Variants in TSPAN4 observed in about 807,000 individuals in gnomAD.
TSPAN4 encodes the protein tetraspanin-4.
A neutral mutation model predicts 31.5 loss-of-function variants in TSPAN4; 38 were observed. The observed-to-expected ratio is 1.21, with a 90% confidence interval of 0.93 to 1.58. The LOEUF (loss-of-function observed/expected upper bound fraction) is 1.58, where lower values mean the gene tolerates loss of function less well. Among genes scored for constraint, TSPAN4 ranks in the 40% most tolerant of loss-of-function variants. The pLI is 0.00. For missense variants in TSPAN4, 330 were observed against 317.3 expected (o/e 1.04, Z -0.30); for synonymous variants, 186 against 144.6 (o/e 1.29, Z -2.06).
chr11:853,497 C>T lies in TSPAN4; in HGVS notation c.63+3130C>T, dbSNP rs371739035. Among the ~76,000 whole-genome samples, 392 of 151,292 alleles carry T rather than the reference C, an allele frequency of 2.6e-3. 2 individuals are homozygous for T. Among genetic ancestry groups the T allele is most frequent in the African/African-American group, 9.1e-3 (376 of 41,352 alleles). On this transcript the variant is annotated intron_variant, in intron 3 of 8. Transcript: ENST00000397397. ...GGCTGATTGACGTATTTCTTTACAG[C>T]GTTGGTTCGGATTTCCCAGGCAGGC...
chr11:855,267 A>G (rs1847982660), intron 3 of TSPAN4, among the ~76,000 whole-genome samples: 1 of 152,150 alleles, frequency 6.6e-6, no homozygotes, highest in Non-Finnish European at 1.5e-5. Context: ...CAGGCAGAGA[A>G]GTCAGGAGGC....
At chr11:851,110 C>G (rs1048829348) in intron 3 of TSPAN4, among the ~76,000 whole-genome samples, 1 of 152,204 alleles carries the variant, frequency 6.6e-6, no homozygotes, top group Admixed American at 6.5e-5. Flanking sequence ...GGTTCCACCC[C>G]ACCCCAGCCC....
chr11:849,687 G>T lies in TSPAN4; in HGVS notation c.-17-601G>T, dbSNP rs367916082. ...GGGCCGGGGTCGCGGCTGGTGCGTT[G>T]CCGGGGGCTGCGATTGGTCCGCCCA... On this transcript the variant is annotated intron_variant, in intron 2 of 8. Transcript: ENST00000397397. The T allele has an allele frequency of 1.7e-4, 26 of 151,432 alleles. No homozygotes were observed. In the East Asian group the frequency reaches 3.9e-3, roughly 23 times the overall value. 9.4% of individuals were successfully genotyped at this position (151,432 alleles called of 1,614,324 possible).
chr11:850,119 C>G lies in TSPAN4; in HGVS notation c.-17-169C>G, dbSNP rs570240647. 9 of 491,436 alleles carry G rather than the reference C, an allele frequency of 1.8e-5. No individual in the cohort carries two copies. In the South Asian group the frequency reaches 2.7e-4, roughly 15 times the overall value. 30.4% of individuals were successfully genotyped at this position (491,436 alleles called of 1,614,324 possible). A position where few individuals can be genotyped will look rare whatever the true frequency, so the allele number is the denominator to read the frequency against. On this transcript the variant is annotated intron_variant, in intron 2 of 8. Coordinates refer to ENST00000397397, the MANE Select transcript of TSPAN4 (RefSeq NM_003271.5). ...GGACTTCGCGCGCGGCGGCCCCTTC[C>G]GGCGCTACAGCAGCCTATACGGGCG...
chr11:852,119 A>G (rs117368292), intron 3 of TSPAN4, among the ~76,000 whole-genome samples: 1,893 of 152,090 alleles, frequency 0.012, 22 homozygotes, highest in Admixed American at 0.032. Context: ...GGAAAATGCA[A>G]TTCTCTCTTT....
chr11:864,246 C>T (rs1316478286), intron 4 of TSPAN4, 191 bp from the exon 5 acceptor site: 13 of 665,178 alleles, frequency 2.0e-5, no homozygotes, highest in Middle Eastern at 4.1e-4. Context: ...ACAACAGCCA[C>T]AGTCCCTGGA....
At position 865,740 on chromosome 11, in the gene TSPAN4, A is replaced by AC; in HGVS notation, c.480dup (p.Asn161GlnfsTer7). On this transcript the variant is annotated frameshift_variant, in exon 7 of 9. Coordinates refer to ENST00000397397, the MANE Select transcript of TSPAN4 (RefSeq NM_003271.5). LOFTEE classifies it high-confidence loss of function. ...AACTACACTGACTGGTTCGAGGTGT[A>AC]CAACGCCACGCGGGTACCTGACTCC... is the stretch of plus-strand genomic sequence containing the variant. The AC allele has an allele frequency of 6.2e-7, 1 of 1,613,290 alleles. No homozygotes were observed. Among genetic ancestry groups the AC allele is most frequent in the Non-Finnish European group, 8.5e-7 (1 of 1,179,860 alleles).
chr11:866,231 C>T (rs1589801365), intron 8 of TSPAN4, among the ~76,000 whole-genome samples: 1 of 151,442 alleles, frequency 6.6e-6, no homozygotes, highest in African/African-American at 2.4e-5. Context: ...CGGTGGTCGT[C>T]CATGTTGGTC....
chr11:864,507 A>G lies in TSPAN4; in HGVS notation c.326A>G (p.Asp109Gly). The change falls in exon 5 of 9, where the codon GAC becomes GGC. Residue 109 changes from aspartate (D) to glycine (G), a missense_variant. Coordinates refer to ENST00000397397, the MANE Select transcript of TSPAN4 (RefSeq NM_003271.5). ...GCCATCCTCTTCTTCGCCTACACGGACAAGGTACGGCTGCCTTGGCCGCAG... is the reference window on the plus strand; with the variant it reads ...GCCATCCTCTTCTTCGCCTACACGGGCAAGGTACGGCTGCCTTGGCCGCAG... ...TIAILFFAYT[D>G]KIDRYAQQDL... 1.2e-6 allele frequency: 2 copies of G among 1,612,362 alleles called. No individual in the cohort carries two copies. The highest frequency in any genetic ancestry group is 1.7e-6 in the Non-Finnish European group (2 of 1,179,924).
At chr11:844,812 TG>T (rs1847212049) in intron 1 of TSPAN4, among the ~76,000 whole-genome samples, 1 of 150,548 alleles carries the variant, frequency 6.6e-6, no homozygotes, top group South Asian at 2.1e-4. Flanking sequence ...GAGCAGAGGG[TG>T]GGCTCCCCCG....
chr11:866,506 G>C, intron 8 of TSPAN4, 56 bp from the exon 9 acceptor site: 2 of 1,563,914 alleles, frequency 1.3e-6, no homozygotes, highest in Non-Finnish European at 1.8e-6. Flanking sequence ...ACTGCTCTGG[G>C]CTTGAGGCCT....
In TSPAN4 at chr11:865,051, C is replaced by T. The variant is rs115553078; in HGVS notation, c.331-462C>T. The T allele has an allele frequency of 2.8e-3, 506 of 182,010 alleles. 3 individuals are homozygous for T. The highest frequency in any genetic ancestry group is 0.011 in the African/African-American group (486 of 42,358). The allele number at this position is 182,010 out of a possible 1,614,324, so 11.3% of individuals were successfully genotyped here. A position where few individuals can be genotyped will look rare whatever the true frequency, so the allele number is the denominator to read the frequency against. ...TCAACAGACTTTTCATTTTGGGGCA[C>T]GTCCTGACTTCCTGGCACTGCAGGG... On this transcript the variant is annotated intron_variant, in intron 5 of 8. Transcript: ENST00000397397.
chr11:862,391 C>G, intron 3 of TSPAN4, 159 bp from the exon 4 acceptor site: 1 of 639,054 alleles, frequency 1.6e-6, no homozygotes, highest in East Asian at 3.0e-5. Context: ...CCCTGGACAC[C>G]CCCCCGGGCT....
intron 3 of TSPAN4, among the ~76,000 whole-genome samples, chr11:861,246 G>A (rs1848439372): frequency 6.6e-6 from 1 of 152,256 alleles, no homozygotes; most frequent in South Asian, 2.1e-4. Context: ...CACTGCAGGA[G>A]GTGGCCCTCC....
intron 4 of TSPAN4, 113 bp from the exon 5 acceptor site, chr11:864,324 G>C (rs1022123169): frequency 7.3e-7 from 1 of 1,362,860 alleles, no homozygotes; most frequent in Admixed American, 1.7e-5. Context: ...CCTGGCAGAG[G>C]TTTCCTGGCA....
chr11:852,641 C>T (rs547126564), intron 3 of TSPAN4, among the ~76,000 whole-genome samples: 7 of 152,334 alleles, frequency 4.6e-5, no homozygotes, highest in African/African-American at 7.2e-5. Context: ...TAAGCCCTCT[C>T]CTCCTGGCGT....
intron 3 of TSPAN4, chr11:859,876 G>T (rs1665512061): frequency 6.6e-6 from 1 of 152,204 alleles, no homozygotes; most frequent in Admixed American, 6.5e-5. Context: ...GCAGCCACGA[G>T]GGGCTGTGTG....
Position 862,693 on chromosome 11 carries a change from C to A in TSPAN4, c.207C>A (p.Phe69Leu). 1 of 1,613,074 alleles carries A rather than the reference C, an allele frequency of 6.2e-7. No homozygotes were observed. Residue 69 changes from phenylalanine (F) to leucine (L), a missense_variant, in exon 4 of 9, where the codon TTC becomes TTA. Coordinates refer to ENST00000397397, the MANE Select transcript of TSPAN4 (RefSeq NM_003271.5). ...GCGCCTTTGTCATGGCCATCGGCTT[C>A]GTGGGCTGCCTGGGTGCCATCAAGG... is the stretch of plus-strand genomic sequence containing the variant. ...ITGAFVMAIG[F>L]VGCLGAIKEN...
At chr11:866,070 G>T in intron 8 of TSPAN4, 69 bp downstream of exon 8, 1 of 1,545,806 alleles carries the variant, frequency 6.5e-7, no homozygotes, top group Non-Finnish European at 8.8e-7. Context: ...AGGGAACAAA[G>T]TAGCAAAGAC....
Sources: gnomAD v4.1 joint callset for allele counts (sites outside exome capture counted in the v4.1 genomes callset) on GRCh38, gnomAD v4.1.1 for gene constraint, MANE v1.5 for transcripts, NCBI Gene and HGNC (gene_info 2026-07-23, HGNC 2026-07-21) for gene names.